Variants in SH3RF3 observed in about 807,000 individuals in gnomAD.
The protein encoded by SH3RF3 is SH3 domain containing ring finger 3.
A neutral mutation model predicts 66.3 loss-of-function variants in SH3RF3; 29 were observed. The ratio of observed to expected loss-of-function variants is 0.44; its 90% CI spans 0.33 to 0.60. The LOEUF is 0.60. SH3RF3 is among the 20% of genes least tolerant of loss of function. The probability of loss-of-function intolerance (pLI) is 0.04; values close to 1 mark genes in which losing one functional copy is unlikely to be tolerated. For synonymous variants in SH3RF3, 583 were observed against 532.0 expected (o/e 1.10, Z -1.32); for missense variants, 1,194 against 1,190.9 (o/e 1.00, Z -0.04).
intron 8 of SH3RF3, among the ~76,000 whole-genome samples, chr2:109,464,815 C>T (rs141660250): frequency 6.6e-6 from 1 of 152,234 alleles, no homozygotes. Flanking sequence ...TACCTTGACA[C>T]ATCATTACCC....
chr2:109,199,085 C>A (rs1175584434), intron 1 of SH3RF3, among the ~76,000 whole-genome samples: 1 of 151,936 alleles, frequency 6.6e-6, no homozygotes, highest in East Asian at 1.9e-4. Context: ...GGGGTCCAGG[C>A]ATGGTGGTTC....
chr2:109,374,588 T>C (rs1368219537), intron 3 of SH3RF3, among the ~76,000 whole-genome samples: 1 of 152,166 alleles, frequency 6.6e-6, no homozygotes, highest in East Asian at 1.9e-4. Flanking sequence ...AGCTTCCATC[T>C]TGGGCTACTG....
chr2:109,459,237 CA>C (rs1271796091), intron 8 of SH3RF3, among the ~76,000 whole-genome samples: 1 of 152,158 alleles, frequency 6.6e-6, no homozygotes, highest in Non-Finnish European at 1.5e-5. Context: ...TTAATATACA[CA>C]TTCACACAGA....
intron 1 of SH3RF3, among the ~76,000 whole-genome samples, chr2:109,338,653 G>A (rs571348151): frequency 1.3e-4 from 20 of 152,130 alleles, no homozygotes; most frequent in Non-Finnish European, 2.8e-4. Flanking sequence ...TGCCTCCCGA[G>A]TTCAGGCAGT....
chr2:109,326,335 A>G (rs1482347239), intron 1 of SH3RF3, among the ~76,000 whole-genome samples: 12 of 152,182 alleles, frequency 7.9e-5, no homozygotes, highest in South Asian at 2.1e-4. Flanking sequence ...TTCACAGTTA[A>G]TGGGTATTTC....
intron 8 of SH3RF3, among the ~76,000 whole-genome samples, chr2:109,452,852 G>T (rs1187657944): frequency 1.3e-5 from 2 of 150,586 alleles, no homozygotes; most frequent in Non-Finnish European, 3.0e-5. Context: ...GTCCCTGGGA[G>T]GCTGGTCCCG....
intron 1 of SH3RF3, among the ~76,000 whole-genome samples, chr2:109,134,388 G>A (rs1676770539): frequency 6.6e-6 from 1 of 151,994 alleles, no homozygotes; most frequent in African/African-American, 2.4e-5. Context: ...GAGACCAAAC[G>A]AGTGGTTGAT....
chr2:109,180,326 TTC>T (rs1222414084), intron 1 of SH3RF3, among the ~76,000 whole-genome samples: 1 of 152,154 alleles, frequency 6.6e-6, no homozygotes, highest in East Asian at 1.9e-4. Context: ...TGATGACTTT[TTC>T]TCTGTTTCCT....
At chr2:109,406,630 A>G (rs1271910672) in intron 4 of SH3RF3, among the ~76,000 whole-genome samples, 1 of 152,160 alleles carries the variant, frequency 6.6e-6, no homozygotes, top group Non-Finnish European at 1.5e-5. Flanking sequence ...CCATTTGTAT[A>G]TCATCCGCAG....
In SH3RF3 at chr2:109,501,682, T is replaced by C; in HGVS notation, c.*11T>C. On this transcript the variant is annotated 3_prime_UTR_variant, in exon 10 of 10. Coordinates refer to ENST00000309415, the MANE Select transcript of SH3RF3 (RefSeq NM_001099289.3). ...GTCGAGAGCTTCTGAGAACTGGTGC[T>C]CCCTGCACCCAGCTCACAGAGGGGG... 2 of 752,582 alleles carry C rather than the reference T, an allele frequency of 2.7e-6. No individual in the cohort carries two copies. The highest frequency in any genetic ancestry group is 4.9e-6 in the Non-Finnish European group (2 of 404,634). 46.6% of individuals were successfully genotyped at this position (752,582 alleles called of 1,614,324 possible).
intron 3 of SH3RF3, among the ~76,000 whole-genome samples, chr2:109,397,129 G>T (rs151065302): frequency 5.9e-5 from 9 of 152,216 alleles, no homozygotes; most frequent in Middle Eastern, 3.4e-3. Context: ...ACCCAAAACA[G>T]TACCCTGGCA....
At chr2:109,374,952 A>G (rs943441069) in intron 3 of SH3RF3, among the ~76,000 whole-genome samples, 1 of 152,212 alleles carries the variant, frequency 6.6e-6, no homozygotes, top group Non-Finnish European at 1.5e-5. Context: ...TTGTGTCTCC[A>G]CCAGGGCCTG....
chr2:109,309,920 T>C (rs1402685023), intron 1 of SH3RF3, among the ~76,000 whole-genome samples: 1 of 121,846 alleles, frequency 8.2e-6, no homozygotes, highest in African/African-American at 4.2e-5. Context: ...CTGTCAACAT[T>C]AGACAGATCA....
chr2:109,395,019 C>T (rs1164546073), intron 3 of SH3RF3, among the ~76,000 whole-genome samples: 1 of 152,220 alleles, frequency 6.6e-6, no homozygotes, highest in South Asian at 2.1e-4. Flanking sequence ...GGGATGGCAC[C>T]GGTGCCAAAT....
chr2:109,170,482 A>G (rs972522446), intron 1 of SH3RF3, among the ~76,000 whole-genome samples: 3 of 151,940 alleles, frequency 2.0e-5, no homozygotes, highest in African/African-American at 7.3e-5. Context: ...AGTAGCTGGG[A>G]CTGCAGGCGC....
At chr2:109,318,692 T>C (rs10197561) in intron 1 of SH3RF3, among the ~76,000 whole-genome samples, 47,344 of 152,028 alleles carry the variant, frequency 0.31, 9,127 homozygotes, top group African/African-American at 0.55. Context: ...TCTCAGATCA[T>C]GCCCTGGCCA....
chr2:109,345,389 G>C (rs1343930060), intron 1 of SH3RF3, among the ~76,000 whole-genome samples: 2 of 152,176 alleles, frequency 1.3e-5, no homozygotes, highest in Non-Finnish European at 2.9e-5. Context: ...AGTGCAGCGT[G>C]TAGGCAGGTG....
At chr2:109,394,946 C>T (rs1004089143) in intron 3 of SH3RF3, among the ~76,000 whole-genome samples, 34 of 152,366 alleles carry the variant, frequency 2.2e-4, no homozygotes, top group African/African-American at 8.2e-4. Flanking sequence ...CACTGGCAGG[C>T]GAGGGCATCC....
chr2:109,247,448 G>A (rs199515782), intron 1 of SH3RF3, among the ~76,000 whole-genome samples: 2 of 152,212 alleles, frequency 1.3e-5, no homozygotes, highest in African/African-American at 2.4e-5. Flanking sequence ...GCTCCTGACC[G>A]TTCCTCTGAG....
Sources: gnomAD v4.1 joint callset for allele counts (sites outside exome capture counted in the v4.1 genomes callset) on GRCh38, gnomAD v4.1.1 for gene constraint, MANE v1.5 for transcripts, NCBI Gene and HGNC (gene_info 2026-07-23, HGNC 2026-07-21) for gene names.